DEPDC5: variants seen among roughly 807,000 people sequenced by gnomAD.
DEPDC5 encodes DEP domain containing 5, GATOR1 subcomplex subunit.
A neutral mutation model predicts 217.3 loss-of-function variants in DEPDC5; 73 were observed. The ratio of observed to expected loss-of-function variants is 0.34; its 90% CI spans 0.28 to 0.41. The LOEUF (loss-of-function observed/expected upper bound fraction) is 0.41, where lower values mean the gene tolerates loss of function less well. Ranked by LOEUF, DEPDC5 falls within the 10% of genes least tolerant of loss-of-function variation. The pLI is 1.00. For synonymous variants in DEPDC5, 733 were observed against 756.7 expected (o/e 0.97, Z 0.51); for missense variants, 1,675 against 2,070.1 (o/e 0.81, Z 3.70).
At chr22:31,871,725 G>A (rs1345926086) in intron 34 of DEPDC5, among the ~76,000 whole-genome samples, 1 of 152,186 alleles carries the variant, frequency 6.6e-6, no homozygotes, top group East Asian at 1.9e-4. Context: ...ATGAGGAATC[G>A]GGGATATTTA....
intron 21 of DEPDC5, among the ~76,000 whole-genome samples, chr22:31,818,062 T>C (rs2089330356): frequency 6.6e-6 from 1 of 152,082 alleles, no homozygotes; most frequent in South Asian, 2.1e-4. Context: ...CTGGACCCAC[T>C]TTTTCATCTG....
intron 3 of DEPDC5, 78 bp downstream of exon 3, chr22:31,758,711 C>A: frequency 7.3e-7 from 1 of 1,373,018 alleles, no homozygotes; most frequent in Non-Finnish European, 1.0e-6. Flanking sequence ...GCTCTCTTTG[C>A]CTTTCAAAAT....
At position 31,822,803 on chromosome 22, in the gene DEPDC5, A is replaced by G; in HGVS notation, c.2104+13A>G. The G allele has an allele frequency of 3.7e-6, 6 of 1,612,322 alleles. No individual in the cohort carries two copies. Among genetic ancestry groups the G allele is most frequent in the Non-Finnish European group, 4.2e-6 (5 of 1,179,116 alleles). The stretch of plus-strand genomic sequence containing the variant: ...AACAGTGGTGCAGGTAACCAATCCA[A>G]GAGGTAATAGAGTTGGGATGTTTAG... On this transcript the variant is annotated intron_variant, in intron 24 of 42. Transcript: ENST00000651528.
chr22:31,885,281 T>G (rs958081293), intron 38 of DEPDC5, among the ~76,000 whole-genome samples: 1 of 152,196 alleles, frequency 6.6e-6, no homozygotes, highest in South Asian at 2.1e-4. Context: ...CTATGTACTC[T>G]GCTGCACCAC....
intron 33 of DEPDC5, among the ~76,000 whole-genome samples, chr22:31,870,344 G>A (rs777966200): frequency 6.6e-6 from 1 of 152,242 alleles, no homozygotes; most frequent in South Asian, 2.1e-4. Flanking sequence ...CTGGTTGGAG[G>A]GTGGGAGTTC....
chr22:31,874,251 C>T lies in DEPDC5; in HGVS notation c.3564-22C>T, dbSNP rs543674673. The T allele has an allele frequency of 1.6e-5, 25 of 1,599,944 alleles. No homozygotes were observed. In the East Asian group the frequency reaches 2.3e-4, roughly 14 times the overall value. Reference sequence around the variant, plus strand: ...TGGGGCACACACATCCCCTGCTCCCCGTTCACCGTGTTGGAACCCAGGACA... The same window carrying T: ...TGGGGCACACACATCCCCTGCTCCCTGTTCACCGTGTTGGAACCCAGGACA... On this transcript the variant is annotated intron_variant, in intron 35 of 42. Transcript: ENST00000651528.
Position 31,876,243 on chromosome 22 carries a change from A to G in DEPDC5, c.3783A>G (p.Val1261=). ...FIYGFYFYKI[V]TDKEPDRVAM... is the part of the protein sequence containing the mutation. ...ACGGCTTCTATTTCTACAAGATAGT[A>G]ACGGACAAAGAGCCCGACCGAGGTT... The change falls in exon 37 of 43, where the codon GTA becomes GTG. Residue 1261 remains valine (V), a synonymous_variant. Coordinates refer to ENST00000651528, the MANE Select transcript of DEPDC5 (RefSeq NM_001242896.3). 6.2e-7 allele frequency: 1 copy of G among 1,613,844 alleles called. No homozygotes were observed. The highest frequency in any genetic ancestry group is 8.5e-7 in the Non-Finnish European group (1 of 1,179,996).
rs2093767725 is a variant in DEPDC5 at position 31,906,874 on chromosome 22, A to T, written c.*377A>T. ...ATCCTTTTCCTTCACCATCTATGGG[A>T]TATTAGGGGCAGAATCTGCCACTTC... On this transcript the variant is annotated 3_prime_UTR_variant, in exon 43 of 43. Coordinates refer to ENST00000651528, the MANE Select transcript of DEPDC5 (RefSeq NM_001242896.3). The surrounding 1 kb of genome is among the most constrained non-coding windows in gnomAD (Gnocchi z 5.1). 2.9e-6 allele frequency: 1 copy of T among 348,276 alleles called. No homozygotes were observed. Among genetic ancestry groups the T allele is most frequent in the African/African-American group, 2.1e-5 (1 of 48,346 alleles). The allele number at this position is 348,276 out of a possible 1,614,324, so 21.6% of individuals were successfully genotyped here. A position where few individuals can be genotyped will look rare whatever the true frequency, so the allele number is the denominator to read the frequency against.
chr22:31,756,384 C>A (rs996599525), intron 2 of DEPDC5, among the ~76,000 whole-genome samples: 2 of 152,032 alleles, frequency 1.3e-5, no homozygotes, highest in Non-Finnish European at 2.9e-5. Flanking sequence ...ATTGTAATTA[C>A]CAGGCTACAG....
Position 31,874,286 on chromosome 22 carries a change from CT to C in DEPDC5, c.3578del (p.Leu1193ArgfsTer23), listed in dbSNP as rs1309891064. The C allele has an allele frequency of 2.5e-6, 4 of 1,607,196 alleles. No homozygotes were observed. The highest frequency in any genetic ancestry group is 3.4e-6 in the Non-Finnish European group (4 of 1,176,662). The part of the protein sequence containing the change: ...AMKHPSTGVQ[L>X]LSEQKGLSPY... Reference sequence around the variant, plus strand: ...GTTGGAACCCAGGACAGGAGTCCAGCTGCTCTCTGAACAGAAGGGCCTCTCA... The same window carrying C: ...GTTGGAACCCAGGACAGGAGTCCAGCGCTCTCTGAACAGAAGGGCCTCTCA... On this transcript the variant is annotated frameshift_variant, in exon 36 of 43. Coordinates refer to ENST00000651528, the MANE Select transcript of DEPDC5 (RefSeq NM_001242896.3). LOFTEE classifies it high-confidence loss of function.
At chr22:31,815,337 C>A in intron 21 of DEPDC5, 125 bp downstream of exon 21, 2 of 960,876 alleles carry the variant, frequency 2.1e-6, no homozygotes, top group Non-Finnish European at 3.3e-6. Context: ...TTTGCCAGTG[C>A]AGTAGGTACA....
At chr22:31,800,643 A>G (rs1025480916) in intron 14 of DEPDC5, among the ~76,000 whole-genome samples, 3 of 152,074 alleles carry the variant, frequency 2.0e-5, no homozygotes, top group African/African-American at 7.2e-5. Flanking sequence ...AATAAGAATT[A>G]AAATAAAAAT....
chr22:31,855,724 C>T (rs192560957), intron 31 of DEPDC5, among the ~76,000 whole-genome samples: 5 of 151,854 alleles, frequency 3.3e-5, no homozygotes, highest in African/African-American at 9.7e-5. Flanking sequence ...TGGATGAAAC[C>T]GGAATGGCTC....
rs1292130485 is a variant in DEPDC5 at position 31,846,944 on chromosome 22, G to C, written c.3132G>C (p.Leu1044=). 1 of 1,614,258 alleles carries C rather than the reference G, an allele frequency of 6.2e-7. No homozygotes were observed. Among genetic ancestry groups the C allele is most frequent in the Non-Finnish European group, 8.5e-7 (1 of 1,180,044 alleles). ...AGGGAACCTCAGCTCTCTCTGCCCT[G>C]TTGGAGATGGAGGCCAGTCAGAAGT... ...GKKGTSALSA[L]LEMEASQKCL... Residue 1044 remains leucine (L), a synonymous_variant, in exon 31 of 43, where the codon CTG becomes CTC. Transcript: ENST00000651528.
At chr22:31,810,473 G>A (rs766533696) in intron 19 of DEPDC5, 48 bp from the exon 20 acceptor site, 6 of 1,609,770 alleles carry the variant, frequency 3.7e-6, no homozygotes, top group Middle Eastern at 1.7e-4. Context: ...TCTCAGGCAT[G>A]TGTTTGAAAT....
Position 31,879,858 on chromosome 22 carries a change from C to A in DEPDC5, c.4033+106C>A, listed in dbSNP as rs2093127292. On this transcript the variant is annotated intron_variant, in intron 38 of 42. Transcript: ENST00000651528. ...GCCACATGAACCAGGATTAGAGTCG[C>A]TGAGGCCGTCACACAGGCCACTGTG... is the stretch of plus-strand genomic sequence containing the variant. 3.6e-6 allele frequency: 4 copies of A among 1,109,210 alleles called. No homozygotes were observed. The South Asian group carries it at 5.8e-5, about 16-fold the overall frequency. 68.7% of individuals were successfully genotyped at this position (1,109,210 alleles called of 1,614,324 possible).
intron 2 of DEPDC5, among the ~76,000 whole-genome samples, chr22:31,756,939 TA>T (rs200790162): frequency 7.0e-5 from 10 of 143,494 alleles, no homozygotes; most frequent in East Asian, 2.0e-4. Context: ...TAAAAAATAA[TA>T]AAAAAAAAAG....
chr22:31,763,897 GT>G (rs1246874335), intron 4 of DEPDC5, among the ~76,000 whole-genome samples: 1 of 151,954 alleles, frequency 6.6e-6, no homozygotes, highest in African/African-American at 2.4e-5. Context: ...GTGGTGTTAT[GT>G]TTTTTATGTT....
intron 38 of DEPDC5, chr22:31,891,571 T>G (rs1040356427): frequency 6.0e-6 from 1 of 165,646 alleles, no homozygotes; most frequent in Non-Finnish European, 1.3e-5. Flanking sequence ...TCATTAAAAT[T>G]GCTGACGCAA....
Sources: allele counts gnomAD v4.1 joint callset (sites outside exome capture counted in the v4.1 genomes callset), GRCh38; gene constraint gnomAD v4.1.1; non-coding constraint Gnocchi (gnomAD v3.1); transcripts MANE v1.5; gene names NCBI Gene and HGNC (gene_info 2026-07-23, HGNC 2026-07-21).